Variants in ETS1 observed in about 807,000 individuals in gnomAD.
ETS1 encodes ETS proto-oncogene 1, transcription factor, also known as protein C-ets-1.
In ETS1, 15 loss-of-function variants were observed where a neutral mutation model predicts 58.6. The ratio of observed to expected loss-of-function variants is 0.26; its 90% CI spans 0.17 to 0.39. The LOEUF is 0.39. ETS1 is among the 10% of genes least tolerant of loss of function. The pLI, the probability that ETS1 is intolerant of heterozygous loss-of-function variation, is 1.00. For missense variants in ETS1, 417 were observed against 610.5 expected (o/e 0.68, Z 3.34); for synonymous variants, 214 against 218.2 (o/e 0.98, Z 0.17).
In ETS1 at chr11:128,462,908, C is replaced by T. The variant is rs547189205; in HGVS notation, c.1243-332G>A. 2.6e-5 allele frequency among the ~76,000 whole-genome samples: 4 copies of T among 152,318 alleles called. No individual in the cohort carries two copies. The South Asian group carries it at 8.3e-4, about 32-fold the overall frequency. On this transcript the variant is annotated intron_variant, in intron 9 of 9. Coordinates refer to ENST00000392668, the MANE Select transcript of ETS1 (RefSeq NM_001143820.2). Reference sequence around the variant, plus strand: ...TCTTTCCGCATATTATTAGTAAAATCTCCTTGCTTTGCAAGCATGAAATCT... The same window carrying T: ...TCTTTCCGCATATTATTAGTAAAATTTCCTTGCTTTGCAAGCATGAAATCT...
intron 3 of ETS1, among the ~76,000 whole-genome samples, chr11:128,510,647 A>C (rs1233493796): frequency 6.6e-6 from 1 of 152,226 alleles, no homozygotes; most frequent in Non-Finnish European, 1.5e-5. Context: ...CATTGAAGTT[A>C]GTGCCCAGAT....
Position 128,463,386 on chromosome 11 carries a change from GT to G in ETS1, c.1242+122del. ...AGACAGGCTACCTAGCTTGCTCCGG[GT>G]GGCAAGTGGCAGAGCTGGGAATCCC... On this transcript the variant is annotated intron_variant, in intron 9 of 9. Transcript: ENST00000392668. This position sits in a 1 kb window ranked among gnomAD's most constrained non-coding sequence, Gnocchi z 4.1. The G allele has an allele frequency of 1.5e-6, 1 of 672,222 alleles. No homozygotes were observed. The highest frequency in any genetic ancestry group is 2.7e-6 in the Non-Finnish European group (1 of 368,374). 41.6% of individuals were successfully genotyped at this position (672,222 alleles called of 1,614,324 possible). A position where few individuals can be genotyped will look rare whatever the true frequency, so the allele number is the denominator to read the frequency against.
intron 5 of ETS1, among the ~76,000 whole-genome samples, chr11:128,486,835 C>T (rs1417660487): frequency 2.0e-5 from 3 of 152,224 alleles, no homozygotes; most frequent in African/African-American, 7.2e-5. Context: ...AAGCTCTGAA[C>T]GACCCTGCAG....
In ETS1 at chr11:128,522,182, A is replaced by G. The variant is rs942121528; in HGVS notation, c.215-31606T>C. On this transcript the variant is annotated intron_variant, in intron 3 of 9. Transcript: ENST00000392668. ...GGTGCGCGCCCGGCACTCCAGGGGAAGTTGGCACTTTGCGGCGAAGTGAGC... is the reference window on the plus strand; with the variant it reads ...GGTGCGCGCCCGGCACTCCAGGGGAGGTTGGCACTTTGCGGCGAAGTGAGC... 6 of 1,255,694 alleles carry G rather than the reference A, an allele frequency of 4.8e-6. No individual in the cohort carries two copies. In the South Asian group the frequency reaches 1.2e-4, roughly 26 times the overall value. 77.8% of individuals were successfully genotyped at this position (1,255,694 alleles called of 1,614,324 possible). A position where few individuals can be genotyped will look rare whatever the true frequency, so the allele number is the denominator to read the frequency against.
intron 3 of ETS1, among the ~76,000 whole-genome samples, chr11:128,552,654 G>A (rs1279134807): frequency 1.3e-5 from 2 of 152,224 alleles, no homozygotes; most frequent in African/African-American, 2.4e-5. Context: ...TATGAACTAT[G>A]ACCATTCATG....
At chr11:128,505,597 A>G (rs950379166) in intron 3 of ETS1, among the ~76,000 whole-genome samples, 17 of 152,178 alleles carry the variant, frequency 1.1e-4, no homozygotes, top group Non-Finnish European at 2.4e-4. Context: ...CAGGGCAGAC[A>G]GCCTCAGACG....
intron 2 of ETS1, among the ~76,000 whole-genome samples, chr11:128,559,720 A>G (rs1864374243): frequency 6.6e-6 from 1 of 152,204 alleles, no homozygotes; most frequent in Non-Finnish European, 1.5e-5. Context: ...CTTAATAACT[A>G]TTTCATAGAG....
In ETS1 at chr11:128,484,884, G is replaced by A; in HGVS notation, c.801C>T (p.Tyr267=). ...TGACGACTTCTTGTTTGATAGCAAAGTAGTCATTCTGCAAGGTGTCTGTCT... is the reference window on the plus strand; with the variant it reads ...TGACGACTTCTTGTTTGATAGCAAAATAGTCATTCTGCAAGGTGTCTGTCT... The part of the protein sequence containing the change: ...PLQTDTLQND[Y]FAIKQEVVTP... The change falls in exon 7 of 10, where the codon TAC becomes TAT. Residue 267 remains tyrosine, a synonymous_variant. Transcript: ENST00000392668. 1 of 1,614,028 alleles carries A rather than the reference G, an allele frequency of 6.2e-7. No homozygotes were observed. The highest frequency in any genetic ancestry group is 8.5e-7 in the Non-Finnish European group (1 of 1,179,922).
intron 5 of ETS1, among the ~76,000 whole-genome samples, chr11:128,488,635 C>T (rs938411525): frequency 1.3e-5 from 2 of 152,210 alleles, no homozygotes; most frequent in Non-Finnish European, 2.9e-5. Context: ...AGTTTGCCGC[C>T]TGCTGCTGTT....
intron 1 of ETS1, among the ~76,000 whole-genome samples, chr11:128,586,894 G>A (rs1865042583): frequency 6.6e-6 from 1 of 152,092 alleles, no homozygotes. Context: ...TGAGACAACC[G>A]CGGCCCACAC....
chr11:128,568,711 T>C (rs540854139), intron 2 of ETS1, among the ~76,000 whole-genome samples: 2 of 152,334 alleles, frequency 1.3e-5, no homozygotes, highest in Non-Finnish European at 2.9e-5. Context: ...GAGGCTGGCA[T>C]GGATTTTAAC....
chr11:128,480,091 GTC>G (rs1425637198), intron 8 of ETS1, 98 bp downstream of exon 8: 1 of 1,478,576 alleles, frequency 6.8e-7, no homozygotes, highest in African/African-American at 1.4e-5. Flanking sequence ...GCAAAAGGGA[GTC>G]TCTCGTCGTC....
intron 1 of ETS1, among the ~76,000 whole-genome samples, chr11:128,577,146 G>A (rs1864767782): frequency 6.6e-6 from 1 of 152,192 alleles, no homozygotes; most frequent in African/African-American, 2.4e-5. Context: ...ATCAGTGAAT[G>A]AGTAAATGAA....
rs750878361 is a variant in ETS1 at position 128,466,630 on chromosome 11, G to A, written c.1124-3003C>T. On this transcript the variant is annotated intron_variant, in intron 8 of 9. Coordinates refer to ENST00000392668, the MANE Select transcript of ETS1 (RefSeq NM_001143820.2). ...TCTGTGATGTCAGCATACGGGACCC[G>A]GTGAGTCTGGGACAGGGTGAGTACT... Among the ~76,000 whole-genome samples the A allele has an allele frequency of 1.4e-4, 22 of 152,260 alleles. No homozygotes were observed. In the Middle Eastern group the frequency reaches 0.01, roughly 71 times the overall value.
chr11:128,502,073 C>CAGTTA (rs1316481267), intron 3 of ETS1, among the ~76,000 whole-genome samples: 5 of 152,092 alleles, frequency 3.3e-5, no homozygotes, highest in African/African-American at 1.2e-4. Context: ...AAACAATGGG[C>CAGTTA]AGTTAGAGAA....
chr11:128,558,840 A>G (rs1049081839), intron 2 of ETS1, among the ~76,000 whole-genome samples: 3 of 152,210 alleles, frequency 2.0e-5, no homozygotes, highest in Non-Finnish European at 2.9e-5. Flanking sequence ...AAAACTTTGA[A>G]ACTGAATCAG....
chr11:128,465,617 C>T (rs1021404784), intron 8 of ETS1, among the ~76,000 whole-genome samples: 4 of 152,134 alleles, frequency 2.6e-5, no homozygotes, highest in Admixed American at 6.5e-5. Context: ...GAGAAACTCA[C>T]GATAACTATA....
chr11:128,573,234 A>C, intron 1 of ETS1, 90 bp from the exon 2 acceptor site: 1 of 931,282 alleles, frequency 1.1e-6, no homozygotes, highest in Non-Finnish European at 1.7e-6. Context: ...TTAGAACTAA[A>C]AGTCTCCTTA....
intron 3 of ETS1, among the ~76,000 whole-genome samples, chr11:128,519,783 T>C (rs1476462125): frequency 1.3e-5 from 2 of 152,214 alleles, no homozygotes; most frequent in Non-Finnish European, 2.9e-5. Context: ...TATTTTTATG[T>C]CAATTATTTA....
Sources: gnomAD v4.1 joint callset for allele counts (sites outside exome capture counted in the v4.1 genomes callset) on GRCh38, gnomAD v4.1.1 for gene constraint, Gnocchi (gnomAD v3.1) non-coding constraint, MANE v1.5 for transcripts, NCBI Gene and HGNC (gene_info 2026-07-23, HGNC 2026-07-21) for gene names.